Variants in CPQ observed in about 807,000 individuals in gnomAD.
CPQ encodes the protein carboxypeptidase Q, also known as Ser-Met dipeptidase.
Under a neutral mutation model 45.7 loss-of-function variants are expected in CPQ, and 37 were observed. The observed-to-expected ratio is 0.81, with a 90% CI of 0.62 to 1.07. The LOEUF (loss-of-function observed/expected upper bound fraction) is 1.07. CPQ is among the 50% of genes least tolerant of loss of function. CPQ has a pLI of 0.00. For synonymous variants in CPQ, 186 were observed against 205.8 expected (o/e 0.90, Z 0.82); for missense variants, 537 against 572.9 (o/e 0.94, Z 0.64).
At chr8:96,977,547 A>G (rs1813810675) in intron 5 of CPQ, among the ~76,000 whole-genome samples, 1 of 152,220 alleles carries the variant, frequency 6.6e-6, no homozygotes, top group South Asian at 2.1e-4. Flanking sequence ...ACTCATGTTT[A>G]TAGCAGCATG....
At chr8:96,781,744 G>A (rs1002680837) in intron 1 of CPQ, among the ~76,000 whole-genome samples, 4 of 152,124 alleles carry the variant, frequency 2.6e-5, no homozygotes, top group Non-Finnish European at 4.4e-5. Flanking sequence ...TTCATTCTGA[G>A]GCAAATTCCC....
intron 4 of CPQ, among the ~76,000 whole-genome samples, chr8:96,940,348 C>T (rs1349195438): frequency 6.6e-6 from 1 of 152,076 alleles, no homozygotes; most frequent in Non-Finnish European, 1.5e-5. Flanking sequence ...AAGAGAAAAC[C>T]ATCAGTTCTC....
At chr8:96,732,707 C>T (rs576114324) in intron 1 of CPQ, among the ~76,000 whole-genome samples, 161 of 152,148 alleles carry the variant, frequency 1.1e-3, no homozygotes, top group African/African-American at 3.7e-3. Flanking sequence ...CACACAATTT[C>T]TGGCCACATT....
At chr8:96,834,191 C>T (rs527416354) in intron 2 of CPQ, among the ~76,000 whole-genome samples, 1 of 152,224 alleles carries the variant, frequency 6.6e-6, no homozygotes, top group South Asian at 2.1e-4. Context: ...GATGTGAAAC[C>T]CTGTTCCCTA....
chr8:96,707,152 T>C (rs1262586462), intron 1 of CPQ, among the ~76,000 whole-genome samples: 1 of 152,098 alleles, frequency 6.6e-6, no homozygotes, highest in African/African-American at 2.4e-5. Context: ...CCCTAAAGTA[T>C]AACTGTGCAG....
At chr8:97,081,504 C>T (rs1810949758) in intron 7 of CPQ, among the ~76,000 whole-genome samples, 1 of 152,134 alleles carries the variant, frequency 6.6e-6, no homozygotes, top group Non-Finnish European at 1.5e-5. Context: ...AGTGCTGGGG[C>T]CCCACTCCCA....
chr8:97,098,113 TA>T (rs1811240269), intron 7 of CPQ, among the ~76,000 whole-genome samples: 1 of 152,146 alleles, frequency 6.6e-6, no homozygotes, highest in Non-Finnish European at 1.5e-5. Context: ...GGCCTCCTAG[TA>T]GATTGATGGA....
intron 3 of CPQ, among the ~76,000 whole-genome samples, chr8:96,853,101 G>A (rs1170931215): frequency 3.9e-5 from 6 of 152,172 alleles, no homozygotes; most frequent in Admixed American, 1.3e-4. Flanking sequence ...AATATTTGAT[G>A]TTCTTGTCAG....
chr8:96,994,789 C>T lies in CPQ; in HGVS notation c.961+28743C>T, dbSNP rs1184106798. Among the ~76,000 whole-genome samples, 4 of 151,916 alleles carry T rather than the reference C, an allele frequency of 2.6e-5. No homozygotes were observed. In the East Asian group the frequency reaches 7.7e-4, roughly 29 times the overall value. On this transcript the variant is annotated intron_variant, in intron 5 of 7. Coordinates refer to ENST00000220763, the MANE Select transcript of CPQ (RefSeq NM_016134.4). Reference sequence around the variant, plus strand: ...ACCCCGTTTCAATCTCAACATGTTCCCTGCTTGGACACTAAATTATATGGA... The same window carrying T: ...ACCCCGTTTCAATCTCAACATGTTCTCTGCTTGGACACTAAATTATATGGA...
At chr8:97,072,511 G>A (rs909533579) in intron 7 of CPQ, among the ~76,000 whole-genome samples, 11 of 152,004 alleles carry the variant, frequency 7.2e-5, no homozygotes, top group African/African-American at 2.4e-4. Flanking sequence ...AAAAGAAATC[G>A]GGGCATCCAA....
intron 4 of CPQ, among the ~76,000 whole-genome samples, chr8:96,935,284 A>T (rs1164545320): frequency 2.0e-5 from 3 of 152,226 alleles, no homozygotes; most frequent in African/African-American, 7.2e-5. Flanking sequence ...CCATCTTGGC[A>T]TCCCAAGAAA....
chr8:96,814,820 CTT>C (rs1811205571), intron 2 of CPQ, among the ~76,000 whole-genome samples: 2 of 152,194 alleles, frequency 1.3e-5, no homozygotes, highest in Admixed American at 1.3e-4. Flanking sequence ...ACAGAATAGT[CTT>C]TGGCAATAAA....
intron 5 of CPQ, among the ~76,000 whole-genome samples, chr8:97,019,979 CA>C (rs1224263948): frequency 6.6e-6 from 1 of 152,088 alleles, no homozygotes; most frequent in East Asian, 1.9e-4. Context: ...TGATAGGCCA[CA>C]AAACGAGTCT....
intron 4 of CPQ, among the ~76,000 whole-genome samples, chr8:96,920,124 C>T (rs1812786882): frequency 6.6e-6 from 1 of 152,072 alleles, no homozygotes; most frequent in Admixed American, 6.6e-5. Flanking sequence ...TATATCATGA[C>T]AGTTAATACA....
In CPQ at chr8:96,652,971, G is replaced by C. The variant is rs374559706; in HGVS notation, c.-35+7569G>C. Among the ~76,000 whole-genome samples the C allele has an allele frequency of 1.3e-4, 20 of 152,238 alleles. 1 individual carries two copies. In the East Asian group the frequency reaches 3.9e-3, roughly 29 times the overall value. ...TTTTGAGGCAGGATCTGGTTCTTTT[G>C]CTCAGGCTGGAGTACAGGGGCGTGA... On this transcript the variant is annotated intron_variant, in intron 1 of 7. Coordinates refer to ENST00000220763, the MANE Select transcript of CPQ (RefSeq NM_016134.4).
At chr8:96,910,694 C>T (rs184416960) in intron 4 of CPQ, among the ~76,000 whole-genome samples, 9 of 152,198 alleles carry the variant, frequency 5.9e-5, no homozygotes, top group Admixed American at 2.6e-4. Flanking sequence ...TTAGTAGAGA[C>T]GGGGTTTCAC....
chr8:96,989,503 G>A (rs1809053412), intron 5 of CPQ, among the ~76,000 whole-genome samples: 1 of 149,938 alleles, frequency 6.7e-6, no homozygotes, highest in Admixed American at 6.6e-5. Flanking sequence ...GAGGAGAGGA[G>A]AGGAGAGGAG....
chr8:96,787,110 A>G (rs1294764977), intron 2 of CPQ, among the ~76,000 whole-genome samples: 3 of 152,068 alleles, frequency 2.0e-5, no homozygotes, highest in Non-Finnish European at 2.9e-5. Context: ...CCATGGTCAC[A>G]AACATTTACT....
chr8:96,670,848 G>A lies in CPQ; in HGVS notation c.-35+25446G>A, dbSNP rs4302816. ...AATTATAGAAATGAACAACAAATTA[G>A]TGGTTGCCAGGATTTAAGGAGTTTG... On this transcript the variant is annotated intron_variant, in intron 1 of 7. Coordinates refer to ENST00000220763, the MANE Select transcript of CPQ (RefSeq NM_016134.4). Among the ~76,000 whole-genome samples, 3 of 151,206 alleles carry A rather than the reference G, an allele frequency of 2.0e-5. No individual in the cohort carries two copies. In the East Asian group the frequency reaches 5.9e-4, roughly 30 times the overall value.
Sources: allele counts gnomAD v4.1 joint callset (sites outside exome capture counted in the v4.1 genomes callset), GRCh38; gene constraint gnomAD v4.1.1; transcripts MANE v1.5; gene names NCBI Gene and HGNC (gene_info 2026-07-23, HGNC 2026-07-21).